The following PIKFYVE variants were observed in gnomAD, a reference collection of about 807,000 sequenced individuals.
PIKFYVE encodes the protein 1-phosphatidylinositol 3-phosphate 5-kinase.
In PIKFYVE, 122 loss-of-function variants were observed where a neutral mutation model predicts 257.9. The observed-to-expected ratio is 0.47, with a 90% confidence interval of 0.41 to 0.55. The LOEUF is 0.55. Ranked by LOEUF, PIKFYVE falls within the 20% of genes least tolerant of loss-of-function variation. The pLI, the probability that PIKFYVE is intolerant of heterozygous loss-of-function variation, is 0.00. For missense variants in PIKFYVE, 2,160 were observed against 2,536.6 expected (o/e 0.85, Z 3.19); for synonymous variants, 892 against 868.9 (o/e 1.03, Z -0.47).
intron 21 of PIKFYVE, among the ~76,000 whole-genome samples, chr2:208,328,913 A>C (rs1413457813): frequency 6.6e-6 from 1 of 152,174 alleles, no homozygotes; most frequent in South Asian, 2.1e-4. Context: ...AAGTTGACAC[A>C]CAAAAAGCTT....
intron 24 of PIKFYVE, 150 bp from the exon 25 acceptor site, chr2:208,335,156 A>G (rs1285306983): frequency 4.5e-6 from 3 of 662,012 alleles, no homozygotes; most frequent in Non-Finnish European, 7.9e-6. Context: ...GTAACAGCTA[A>G]AAATTATTTT....
intron 41 of PIKFYVE, among the ~76,000 whole-genome samples, chr2:208,354,874 C>T (rs1481246849): frequency 6.6e-6 from 1 of 152,124 alleles, no homozygotes; most frequent in Non-Finnish European, 1.5e-5. Context: ...TTTTAAAAAG[C>T]CAGATGTTCT....
At chr2:208,269,288 T>G (rs1689097667) in intron 1 of PIKFYVE, 1 of 152,766 alleles carries the variant, frequency 6.5e-6, no homozygotes, top group African/African-American at 2.4e-5. Context: ...GGCTGGAACA[T>G]GCTTCTGCCT....
chr2:208,335,843 C>G lies in PIKFYVE; in HGVS notation c.4307C>G (p.Thr1436Ser). ...GATGAAAGACTTGCATCTTTGAAAA[C>G]TGATACATTTAGTAAAACAAGAGAG... ...AIDERLASLK[T>S]DTFSKTREEK... Residue 1436 changes from threonine to serine, a missense_variant, in exon 26 of 42, where the codon ACT becomes AGT. By Grantham distance (58) the Thr-to-Ser change is moderately conservative. Coordinates refer to ENST00000264380, the MANE Select transcript of PIKFYVE (RefSeq NM_015040.4). The G allele has an allele frequency of 6.2e-7, 1 of 1,612,988 alleles. No homozygotes were observed. The highest frequency in any genetic ancestry group is 8.5e-7 in the Non-Finnish European group (1 of 1,179,410).
intron 7 of PIKFYVE, among the ~76,000 whole-genome samples, chr2:208,291,294 A>G (rs1692281820): frequency 6.6e-6 from 1 of 152,126 alleles, no homozygotes. Flanking sequence ...GTGATGGGTT[A>G]TATTAATTGA....
At chr2:208,270,903 C>T (rs1350915310) in intron 1 of PIKFYVE, among the ~76,000 whole-genome samples, 1 of 151,770 alleles carries the variant, frequency 6.6e-6, no homozygotes, top group African/African-American at 2.4e-5. Flanking sequence ...GGCGTGGTGA[C>T]TGCGCACCTA....
chr2:208,324,408 A>C, intron 18 of PIKFYVE, 126 bp downstream of exon 18: 3 of 946,334 alleles, frequency 3.2e-6, no homozygotes, highest in Non-Finnish European at 4.8e-6. Context: ...AGTGGGACAG[A>C]AGATATGGCA....
chr2:208,299,102 G>A (rs1693359724), intron 8 of PIKFYVE, among the ~76,000 whole-genome samples: 1 of 152,174 alleles, frequency 6.6e-6, no homozygotes, highest in African/African-American at 2.4e-5. Context: ...GGCTCCCAGA[G>A]TGCTGGGATT....
At chr2:208,269,301 A>G (rs7564882) in intron 1 of PIKFYVE, 146,874 of 152,924 alleles carry the variant, frequency 0.96, 70,682 homozygotes, top group East Asian at 1. Context: ...TTCTGCCTGC[A>G]GGGGGCCCAT....
intron 1 of PIKFYVE, among the ~76,000 whole-genome samples, chr2:208,270,388 T>C (rs919753074): frequency 2.0e-5 from 3 of 152,136 alleles, no homozygotes; most frequent in Non-Finnish European, 4.4e-5. Context: ...GTTCTTCTCT[T>C]TGAAATATAA....
At chr2:208,337,398 C>T (rs1395660154) in intron 28 of PIKFYVE, among the ~76,000 whole-genome samples, 1 of 151,778 alleles carries the variant, frequency 6.6e-6, no homozygotes, top group Admixed American at 6.6e-5. Flanking sequence ...AACATAGTGG[C>T]CAAAACCACA....
chr2:208,348,167 G>A (rs1699414295), intron 35 of PIKFYVE, 144 bp downstream of exon 35: 3 of 1,094,938 alleles, frequency 2.7e-6, no homozygotes, highest in South Asian at 2.8e-5. Context: ...GTGTGGTAGA[G>A]TGGAAAAAGC....
chr2:208,354,245 G>C, intron 40 of PIKFYVE, 86 bp downstream of exon 40: 3 of 1,441,346 alleles, frequency 2.1e-6, no homozygotes, highest in South Asian at 2.5e-5. Context: ...TCTAATAATA[G>C]CTTATTGAAT....
At chr2:208,333,527 A>G (rs1307595168) in intron 24 of PIKFYVE, 34 bp downstream of exon 24, 5 of 1,592,376 alleles carry the variant, frequency 3.1e-6, no homozygotes, top group East Asian at 4.5e-5. Flanking sequence ...GCATGATCTC[A>G]GATCTCATAA....
intron 5 of PIKFYVE, among the ~76,000 whole-genome samples, chr2:208,278,499 T>C (rs1690394725): frequency 6.6e-6 from 1 of 152,142 alleles, no homozygotes; most frequent in African/African-American, 2.4e-5. Flanking sequence ...TGACTGATCC[T>C]GTCACCCAGG....
At chr2:208,348,073 T>C in intron 35 of PIKFYVE, 50 bp downstream of exon 35, 2 of 1,592,134 alleles carry the variant, frequency 1.3e-6, no homozygotes, top group Admixed American at 1.7e-5. Context: ...GATTTATTTA[T>C]TTTAGTTGCA....
Position 208,330,657 on chromosome 2 carries a change from C to T in PIKFYVE, c.3926C>T (p.Thr1309Ile), listed in dbSNP as rs149534092. 3.3e-5 allele frequency: 53 copies of T among 1,613,778 alleles called. No homozygotes were observed. Among genetic ancestry groups the T allele is most frequent in the Non-Finnish European group, 4.4e-5 (52 of 1,179,906 alleles). ...LDSPVPGYQH[T>I]ILTYSWCRIC... ...TCTCCAGTACCTGGATATCAGCATA[C>T]AATTCTTACATATTCCTGGTGTAGA... The change falls in exon 23 of 42, where the codon ACA (threonine) becomes ATA (isoleucine). Residue 1309 changes from threonine (T) to isoleucine (I), a missense_variant. Coordinates refer to ENST00000264380, the MANE Select transcript of PIKFYVE (RefSeq NM_015040.4).
rs767505991 is a variant in PIKFYVE at position 208,347,837 on chromosome 2, A to T, written c.5210-22A>T. On this transcript the variant is annotated intron_variant, in intron 34 of 41. Coordinates refer to ENST00000264380, the MANE Select transcript of PIKFYVE (RefSeq NM_015040.4). ...CTGTAGTGACCTGTACTTAAAATTA[A>T]TATGTTACTTCTTATTTTTAGCCAA... 1.4e-5 allele frequency: 23 copies of T among 1,592,618 alleles called. No individual in the cohort carries two copies. The East Asian group carries it at 4.0e-4, about 28-fold the overall frequency.
chr2:208,340,163 A>AG, intron 31 of PIKFYVE, 32 bp downstream of exon 31: 1 of 1,611,764 alleles, frequency 6.2e-7, no homozygotes, highest in Non-Finnish European at 8.5e-7. Context: ...GGCTCTTAGC[A>AG]GGGGGGTTAT....
Sources: allele counts gnomAD v4.1 joint callset (sites outside exome capture counted in the v4.1 genomes callset), GRCh38; gene constraint gnomAD v4.1.1; transcripts MANE v1.5; gene names NCBI Gene and HGNC (gene_info 2026-07-23, HGNC 2026-07-21).